The following PLEKHM3 variants were observed in gnomAD, a reference collection of about 807,000 sequenced individuals.
The protein encoded by PLEKHM3 is pleckstrin homology domain-containing family M member 3.
In PLEKHM3, 45 loss-of-function variants were observed where a neutral mutation model predicts 81.8. That is an observed-to-expected ratio of 0.55 (90% CI 0.43 to 0.71). The LOEUF is 0.71. PLEKHM3 is among the 30% of genes least tolerant of loss of function. PLEKHM3 has a pLI of 0.00. For synonymous variants in PLEKHM3, 352 were observed against 356.4 expected, an observed-to-expected ratio of 0.99 and a Z score of 0.14; for missense variants, 788 against 924.3, an observed-to-expected ratio of 0.85 and a Z score of 1.91.
At chr2:207,894,203 T>C (rs1426434194) in intron 6 of PLEKHM3, among the ~76,000 whole-genome samples, 1 of 152,220 alleles carries the variant, frequency 6.6e-6, no homozygotes, top group Non-Finnish European at 1.5e-5. Flanking sequence ...TGGACTGCAA[T>C]ATATTCTGTG....
Position 207,871,184 on chromosome 2 carries a change from C to T in PLEKHM3, c.1951-9922G>A, listed in dbSNP as rs115735145. On this transcript the variant is annotated intron_variant, in intron 6 of 7. Coordinates refer to ENST00000427836, the MANE Select transcript of PLEKHM3 (RefSeq NM_001080475.3). ...AAAAAGTTGTTCAAAACTCCATTTTCCCATAATTAACCTTTGAGCTCCTTA... is the reference window on the plus strand; with the variant it reads ...AAAAAGTTGTTCAAAACTCCATTTTTCCATAATTAACCTTTGAGCTCCTTA... Among the ~76,000 whole-genome samples the T allele has an allele frequency of 3.8e-3, 586 of 152,256 alleles. 8 individuals are homozygous for T. Among genetic ancestry groups the T allele is most frequent in the African/African-American group, 0.012 (488 of 41,540 alleles).
intron 4 of PLEKHM3, among the ~76,000 whole-genome samples, chr2:207,939,843 G>A (rs1689877103): frequency 6.6e-6 from 1 of 152,160 alleles, no homozygotes; most frequent in Non-Finnish European, 1.5e-5. Flanking sequence ...TAGTGTGGTG[G>A]GACTGGAGTA....
intron 3 of PLEKHM3, among the ~76,000 whole-genome samples, chr2:207,961,468 T>C (rs569134297): frequency 1.3e-5 from 2 of 152,358 alleles, no homozygotes; most frequent in South Asian, 2.1e-4. Flanking sequence ...CAAACCCATA[T>C]GTCTTAGGTT....
rs571247556 is a variant in PLEKHM3 at position 207,907,594 on chromosome 2, T to C, written c.1950+920A>G. Among the ~76,000 whole-genome samples, 4 of 152,360 alleles carry C rather than the reference T, an allele frequency of 2.6e-5. No individual in the cohort carries two copies. The East Asian group carries it at 5.8e-4, about 22-fold the overall frequency. ...ATGCTCTGTTATGTTTTACTAAACT[T>C]TAAAAGCCATTCAACTTTCTGGCTT... On this transcript the variant is annotated intron_variant, in intron 6 of 7. Coordinates refer to ENST00000427836, the MANE Select transcript of PLEKHM3 (RefSeq NM_001080475.3).
chr2:207,907,863 C>G (rs572852685), intron 6 of PLEKHM3, among the ~76,000 whole-genome samples: 8 of 152,270 alleles, frequency 5.3e-5, no homozygotes, highest in Admixed American at 3.3e-4. Context: ...CTCCCCAGGC[C>G]CTGGCAATCA....
At chr2:207,919,559 A>G (rs1689114293) in intron 5 of PLEKHM3, among the ~76,000 whole-genome samples, 1 of 152,198 alleles carries the variant, frequency 6.6e-6, no homozygotes, top group South Asian at 2.1e-4. Flanking sequence ...TTGAAGCTGA[A>G]GCTGACAGGT....
At chr2:208,020,642 A>G (rs1286770148) in intron 1 of PLEKHM3, among the ~76,000 whole-genome samples, 4 of 152,222 alleles carry the variant, frequency 2.6e-5, no homozygotes, top group East Asian at 1.9e-4. Flanking sequence ...AGAAACTCCA[A>G]GCTAGGATGT....
chr2:207,989,436 G>C (rs1282218985), intron 2 of PLEKHM3, among the ~76,000 whole-genome samples: 2 of 152,190 alleles, frequency 1.3e-5, no homozygotes, highest in Non-Finnish European at 2.9e-5. Context: ...AAGGGGTAAA[G>C]AGCATTCCAG....
chr2:207,908,604 G>C, intron 5 of PLEKHM3, 27 bp from the exon 6 acceptor site: 3 of 1,564,368 alleles, frequency 1.9e-6, no homozygotes, highest in Non-Finnish European at 2.6e-6. Context: ...ATAGACAAGT[G>C]AACTGTGGTG....
chr2:207,837,513 T>C lies in PLEKHM3; in HGVS notation c.2109-9017A>G, dbSNP rs890633835. 4.6e-5 allele frequency among the ~76,000 whole-genome samples: 7 copies of C among 151,906 alleles called. No individual in the cohort carries two copies. The South Asian group carries it at 1.5e-3, about 32-fold the overall frequency. On this transcript the variant is annotated intron_variant, in intron 7 of 7. Transcript: ENST00000427836. ...TACTTGGGAGCCTGAGGCAGGAGAA[T>C]TGCTTGAACCTGGGAGGCAGAGGTG...
chr2:207,959,181 T>C (rs1690641453), intron 3 of PLEKHM3, among the ~76,000 whole-genome samples: 1 of 152,222 alleles, frequency 6.6e-6, no homozygotes, highest in African/African-American at 2.4e-5. Context: ...AGCACATGCC[T>C]CTCTCACCTT....
chr2:207,845,634 T>C (rs981780462), intron 7 of PLEKHM3, among the ~76,000 whole-genome samples: 4 of 152,196 alleles, frequency 2.6e-5, no homozygotes, highest in Non-Finnish European at 1.5e-5. Flanking sequence ...AAGTCACATA[T>C]CTCGGTAATG....
chr2:207,841,372 C>T (rs192103314), intron 7 of PLEKHM3, among the ~76,000 whole-genome samples: 2,119 of 140,342 alleles, frequency 0.015, 26 homozygotes, highest in Non-Finnish European at 0.025. Context: ...GGCTGAGGCG[C>T]GATAATCGCT....
At chr2:207,938,119 T>G (rs1689817341) in intron 4 of PLEKHM3, among the ~76,000 whole-genome samples, 1 of 152,232 alleles carries the variant, frequency 6.6e-6, no homozygotes, top group Non-Finnish European at 1.5e-5. Flanking sequence ...AAATAAATTT[T>G]TTTAAAACAA....
Position 207,931,025 on chromosome 2 carries a change from T to A in PLEKHM3, c.1787A>T (p.Glu596Val), listed in dbSNP as rs762655295. Residue 596 changes from glutamate (E) to valine (V), a missense_variant, in exon 5 of 8, where the codon GAG becomes GTG. Transcript: ENST00000427836. Reference sequence around the variant, plus strand: ...CAGCCGCAGCACGGCGGCCAGCGGCTCTGCGTGGTGGTACAGCATGGCGTT... The same window carrying A: ...CAGCCGCAGCACGGCGGCCAGCGGCACTGCGTGGTGGTACAGCATGGCGTT... ...QENAMLYHHA[E>V]PLAAVLRLRQ... 1 of 1,614,052 alleles carries A rather than the reference T, an allele frequency of 6.2e-7. No homozygotes were observed.
chr2:207,884,819 A>G (rs1047546282), intron 6 of PLEKHM3, among the ~76,000 whole-genome samples: 6 of 152,216 alleles, frequency 3.9e-5, no homozygotes, highest in African/African-American at 4.8e-5. Context: ...GGGCGCCCAC[A>G]TAGTTCAATC....
At chr2:208,013,903 T>C (rs1218987680) in intron 1 of PLEKHM3, among the ~76,000 whole-genome samples, 1 of 152,178 alleles carries the variant, frequency 6.6e-6, no homozygotes, top group Non-Finnish European at 1.5e-5. Flanking sequence ...TCAGAGTAAA[T>C]GTATGAGAGA....
chr2:207,986,333 G>C (rs13418213), intron 2 of PLEKHM3, among the ~76,000 whole-genome samples: 8,150 of 152,214 alleles, frequency 0.054, 696 homozygotes, highest in African/African-American at 0.18. Context: ...TCCTAGACAG[G>C]CTCACCCGGA....
chr2:207,882,704 T>C (rs1687735695), intron 6 of PLEKHM3, among the ~76,000 whole-genome samples: 1 of 151,734 alleles, frequency 6.6e-6, no homozygotes, highest in African/African-American at 2.4e-5. Context: ...TGTCTACTGA[T>C]GATGTTGTTT....
Sources: gnomAD v4.1 joint callset for allele counts (sites outside exome capture counted in the v4.1 genomes callset) on GRCh38, gnomAD v4.1.1 for gene constraint, MANE v1.5 for transcripts, NCBI Gene and HGNC (gene_info 2026-07-23, HGNC 2026-07-21) for gene names.